The following LSM2 variants were observed in gnomAD, a reference collection of about 807,000 sequenced individuals.
LSM2 encodes U6 snRNA-associated Sm-like protein LSm2.
LSM2 carries 12 observed loss-of-function variants against 17.0 expected under a neutral mutation model. The observed-to-expected ratio is 0.70, with a 90% CI of 0.45 to 1.14. The LOEUF (loss-of-function observed/expected upper bound fraction) is 1.14. LSM2 is among the 50% of genes most tolerant of loss of function. The pLI, the probability that LSM2 is intolerant of heterozygous loss-of-function variation, is 0.00. For missense variants in LSM2, 62 were observed against 111.8 expected (o/e 0.55, Z 2.01); for synonymous variants, 42 against 44.5 (o/e 0.94, Z 0.22).
In LSM2 at chr6:31,797,607, C is replaced by T. The variant is rs1043533611; in HGVS notation, c.*150G>A. On this transcript the variant is annotated 3_prime_UTR_variant, in exon 5 of 5. Coordinates refer to ENST00000375661, the MANE Select transcript of LSM2 (RefSeq NM_021177.5). ...AGGATAGCTGTTCCCTATTACTCCT[C>T]TCATCCACTCATCCCTTAAAAAAAA... is the stretch of plus-strand genomic sequence containing the variant. 32 of 1,105,568 alleles carry T rather than the reference C, an allele frequency of 2.9e-5. No homozygotes were observed. Among genetic ancestry groups the T allele is most frequent in the Middle Eastern group, 3.1e-4 (1 of 3,250 alleles). 68.5% of individuals were successfully genotyped at this position (1,105,568 alleles called of 1,614,324 possible). A position where few individuals can be genotyped will look rare whatever the true frequency, so the allele number is the denominator to read the frequency against.
chr6:31,802,412 T>C (rs899310989), intron 2 of LSM2, among the ~76,000 whole-genome samples: 5 of 150,068 alleles, frequency 3.3e-5, no homozygotes, highest in African/African-American at 1.2e-4. Context: ...CTGGCCAACG[T>C]GGTGAAACCC....
chr6:31,806,175 G>C (rs1351928758), intron 1 of LSM2, 33 bp from the exon 2 acceptor site: 1 of 1,599,524 alleles, frequency 6.3e-7, no homozygotes, highest in African/African-American at 1.3e-5. Flanking sequence ...CCATCATGTG[G>C]GAAGGAGCAT....
intron 2 of LSM2, among the ~76,000 whole-genome samples, chr6:31,801,793 C>T (rs1814722902): frequency 6.6e-6 from 1 of 151,514 alleles, no homozygotes; most frequent in South Asian, 2.1e-4. Context: ...GAGACCCTGT[C>T]TCAAGGAAAA....
At position 31,806,778 on chromosome 6, in the gene LSM2, C is replaced by T. The variant is rs750340681; in HGVS notation, c.-21G>A. 1.2e-6 allele frequency: 2 copies of T among 1,608,000 alleles called. No homozygotes were observed. The highest frequency in any genetic ancestry group is 1.7e-4 in the Middle Eastern group (1 of 6,022). On this transcript the variant is annotated 5_prime_UTR_variant, in exon 1 of 5. Transcript: ENST00000375661. Reference sequence around the variant, plus strand: ...ACCATGGTGCTGGCGCCGCGGGCAGCGGGCCGGACCGGGAAGACAGCAGGG... The same window carrying T: ...ACCATGGTGCTGGCGCCGCGGGCAGTGGGCCGGACCGGGAAGACAGCAGGG...
chr6:31,806,181 A>G, intron 1 of LSM2, 39 bp from the exon 2 acceptor site: 1 of 1,590,006 alleles, frequency 6.3e-7, no homozygotes, highest in Non-Finnish European at 8.6e-7. Context: ...TGTGGGAAGG[A>G]GCATGGTAGG....
chr6:31,802,293 T>A (rs1008423355), intron 2 of LSM2, among the ~76,000 whole-genome samples: 2 of 142,988 alleles, frequency 1.4e-5, no homozygotes, highest in Non-Finnish European at 3.1e-5. Flanking sequence ...CAAAAATAAA[T>A]AAATAAATAG....
chr6:31,804,763 C>CTTTTTTTTTTTTTT (rs9279424), intron 2 of LSM2, among the ~76,000 whole-genome samples: 3 of 104,906 alleles, frequency 2.9e-5, no homozygotes, highest in East Asian at 2.9e-4. Context: ...TCTTTTTTTT[C>CTTTTTTTTTTTTTT]TTTTTTTTTT....
intron 2 of LSM2, among the ~76,000 whole-genome samples, chr6:31,804,114 A>C (rs994680674): frequency 3.3e-5 from 5 of 152,112 alleles, no homozygotes; most frequent in African/African-American, 1.2e-4. Flanking sequence ...TGTAATCCCA[A>C]CACTTTGAGA....
chr6:31,800,291 G>A (rs943632384), intron 2 of LSM2, among the ~76,000 whole-genome samples: 4 of 152,058 alleles, frequency 2.6e-5, no homozygotes, highest in Non-Finnish European at 5.9e-5. Context: ...AGGCGAGATC[G>A]AGCCACTGCA....
chr6:31,805,175 C>T (rs890052426), intron 2 of LSM2, among the ~76,000 whole-genome samples: 2 of 151,990 alleles, frequency 1.3e-5, no homozygotes, highest in African/African-American at 4.8e-5. Context: ...AGTGATCCTC[C>T]CACCTCAGCC....
rs778411669 is a variant in LSM2, at chr6:31,806,788, C to A, written c.-31G>T. 6.2e-7 allele frequency: 1 copy of A among 1,607,370 alleles called. No individual in the cohort carries two copies. The highest frequency in any genetic ancestry group is 8.5e-7 in the Non-Finnish European group (1 of 1,177,912). Reference sequence around the variant, plus strand: ...TGGCGCCGCGGGCAGCGGGCCGGACCGGGAAGACAGCAGGGTGCTGCGAGC... The same window carrying A: ...TGGCGCCGCGGGCAGCGGGCCGGACAGGGAAGACAGCAGGGTGCTGCGAGC... On this transcript the variant is annotated 5_prime_UTR_variant, in exon 1 of 5. Coordinates refer to ENST00000375661, the MANE Select transcript of LSM2 (RefSeq NM_021177.5).
chr6:31,804,702 CA>C (rs1329288948), intron 2 of LSM2, among the ~76,000 whole-genome samples: 1 of 151,752 alleles, frequency 6.6e-6, no homozygotes, highest in East Asian at 1.9e-4. Context: ...CTCAGCCTCC[CA>C]AAGTGCTGGG....
chr6:31,801,109 T>TGCA, intron 2 of LSM2, among the ~76,000 whole-genome samples: 1 of 145,000 alleles, frequency 6.9e-6, no homozygotes, highest in Admixed American at 7.2e-5. Context: ...AGGTAGAGGT[T>TGCA]GCAGTGAGCC....
Position 31,797,911 on chromosome 6 carries a change from A to G in LSM2, c.163-29T>C, listed in dbSNP as rs200076781. 169 of 1,612,668 alleles carry G rather than the reference A, an allele frequency of 1.0e-4. 1 individual carries two copies. The African/African-American group carries it at 1.3e-3, about 12-fold the overall frequency. On this transcript the variant is annotated intron_variant, in intron 4 of 4. Transcript: ENST00000375661. ...GACAAAGATGGACAAATATGAAAAC[A>G]CCCTTAAAAATGTCCTCTAACCACC...
chr6:31,806,837 A>G lies in LSM2; in HGVS notation c.-80T>C. On this transcript the variant is annotated 5_prime_UTR_variant, in exon 1 of 5. Transcript: ENST00000375661. ...GCAGGTCTGGGGAAACCGAAGCGCG[A>G]GCCCGCGCGTGGGGCGAGGCGGGAC... is the stretch of plus-strand genomic sequence containing the variant. The G allele has an allele frequency of 6.6e-7, 1 of 1,511,106 alleles. No homozygotes were observed. 93.6% of individuals were successfully genotyped at this position (1,511,106 alleles called of 1,614,324 possible).
Position 31,797,534 on chromosome 6 carries a change from G to C in LSM2, c.*223C>G. The stretch of plus-strand genomic sequence containing the variant: ...TGAGAAAGGCAGGTGCTGGGGACTG[G>C]GAAGGCTTTGAAGTTTCCCAGCCTA... On this transcript the variant is annotated 3_prime_UTR_variant, in exon 5 of 5. Coordinates refer to ENST00000375661, the MANE Select transcript of LSM2 (RefSeq NM_021177.5). 3 of 588,538 alleles carry C rather than the reference G, an allele frequency of 5.1e-6. No individual in the cohort carries two copies. The South Asian group carries it at 6.8e-5, about 13-fold the overall frequency. 36.5% of individuals were successfully genotyped at this position (588,538 alleles called of 1,614,324 possible). A position where few individuals can be genotyped will look rare whatever the true frequency, so the allele number is the denominator to read the frequency against.
At chr6:31,798,087 T>A (rs1144710) in intron 3 of LSM2, 38 bp from the exon 4 acceptor site, 160,431 of 1,426,484 alleles carry the variant, frequency 0.11, 8,213 homozygotes, top group Non-Finnish European at 0.13. Context: ...TATTATTATT[T>A]TTTTTTTTTT....
At chr6:31,799,654 C>CT (rs34573382) in intron 2 of LSM2, among the ~76,000 whole-genome samples, 222 of 136,448 alleles carry the variant, frequency 1.6e-3, no homozygotes, top group Middle Eastern at 3.8e-3. Flanking sequence ...CCATTCCCGA[C>CT]TTTTTTTTTT....
chr6:31,801,646 A>T (rs567162892), intron 2 of LSM2, among the ~76,000 whole-genome samples: 1 of 152,014 alleles, frequency 6.6e-6, no homozygotes, highest in African/African-American at 2.4e-5. Context: ...AATACAAAAA[A>T]TTAGCTGGGA....
Sources: gnomAD v4.1 joint callset for allele counts (sites outside exome capture counted in the v4.1 genomes callset) on GRCh38, gnomAD v4.1.1 for gene constraint, MANE v1.5 for transcripts, NCBI Gene and HGNC (gene_info 2026-07-23, HGNC 2026-07-21) for gene names.